GABRB1: variants seen among roughly 807,000 people sequenced by gnomAD.
GABRB1 encodes the protein gamma-aminobutyric acid type A receptor subunit beta1, also known as gamma-aminobutyric acid receptor subunit beta-1.
A neutral mutation model predicts 51.6 loss-of-function variants in GABRB1; 17 were observed. That is an observed-to-expected ratio of 0.33 (90% CI 0.23 to 0.49). The LOEUF is 0.49. GABRB1 is among the 20% of genes least tolerant of loss of function. The pLI, the probability that GABRB1 is intolerant of heterozygous loss-of-function variation, is 0.99. For missense variants in GABRB1, 410 were observed against 600.6 expected, an observed-to-expected ratio of 0.68 and a Z score of 3.32; for synonymous variants, 247 against 218.9, an observed-to-expected ratio of 1.13 and a Z score of -1.14.
intron 4 of GABRB1, among the ~76,000 whole-genome samples, chr4:47,188,854 C>T (rs1437820790): frequency 6.6e-6 from 1 of 151,916 alleles, no homozygotes; most frequent in Admixed American, 6.6e-5. Flanking sequence ...TTGGTTTGGG[C>T]ATTACAATAA....
At chr4:47,376,422 G>C (rs1049573196) in intron 5 of GABRB1, among the ~76,000 whole-genome samples, 1 of 152,132 alleles carries the variant, frequency 6.6e-6, no homozygotes, top group South Asian at 2.1e-4. Flanking sequence ...CGAGACGGGC[G>C]GATCACGAGA....
intron 4 of GABRB1, among the ~76,000 whole-genome samples, chr4:47,278,099 A>C (rs192711415): frequency 2.0e-5 from 3 of 152,274 alleles, no homozygotes; most frequent in African/African-American, 7.2e-5. Flanking sequence ...TTATGGGCTA[A>C]GAGTGCACAC....
upstream of GABRB1, chr4:47,031,564 TC>T (rs1238373378): frequency 1.9e-6 from 2 of 1,078,656 alleles, no homozygotes; most frequent in African/African-American, 3.1e-5. Context: ...CATGCGCAGG[TC>T]CATTCGGGAA....
chr4:47,152,915 G>A (rs1275264013), intron 3 of GABRB1, among the ~76,000 whole-genome samples: 2 of 151,828 alleles, frequency 1.3e-5, no homozygotes, highest in Non-Finnish European at 2.9e-5. Flanking sequence ...TATTCTCTAG[G>A]CTAATGCAAG....
chr4:47,076,744 C>T (rs768994276), intron 3 of GABRB1, among the ~76,000 whole-genome samples: 1 of 152,184 alleles, frequency 6.6e-6, no homozygotes, highest in Non-Finnish European at 1.5e-5. Context: ...GTAGGACAGA[C>T]TAAATCTCTT....
chr4:47,331,668 G>A (rs1725488515), intron 5 of GABRB1, among the ~76,000 whole-genome samples: 1 of 152,022 alleles, frequency 6.6e-6, no homozygotes, highest in South Asian at 2.1e-4. Context: ...ATTTTATACA[G>A]GAACTTTGAT....
At chr4:47,032,090 A>AGGCATGTCATTTTCGT in intron 2 of GABRB1, 85 bp downstream of exon 2, 1 of 910,392 alleles carries the variant, frequency 1.1e-6, no homozygotes. Flanking sequence ...AAAAAAAGAA[A>AGGCATGTCATTTTCGT]AGGCATGTCA....
chr4:47,233,550 T>A (rs1165271939), intron 4 of GABRB1, among the ~76,000 whole-genome samples: 3 of 152,174 alleles, frequency 2.0e-5, no homozygotes, highest in Non-Finnish European at 4.4e-5. Context: ...CTCAATAAAG[T>A]ATTTTGTTAT....
At chr4:47,185,741 T>C (rs951714264) in intron 4 of GABRB1, among the ~76,000 whole-genome samples, 4 of 152,006 alleles carry the variant, frequency 2.6e-5, no homozygotes, top group East Asian at 1.9e-4. Flanking sequence ...ATATTATATG[T>C]AATTGTATGT....
chr4:47,071,755 C>T (rs532463198), intron 3 of GABRB1, among the ~76,000 whole-genome samples: 48 of 151,562 alleles, frequency 3.2e-4, no homozygotes, highest in African/African-American at 1.1e-3. Flanking sequence ...AGAACAGCAC[C>T]GTGCATATGA....
At chr4:47,213,802 G>T (rs1429712860) in intron 4 of GABRB1, among the ~76,000 whole-genome samples, 1 of 148,700 alleles carries the variant, frequency 6.7e-6, no homozygotes, top group Admixed American at 6.7e-5. Context: ...GTAGTGATTT[G>T]TGTGGTTTAA....
intron 3 of GABRB1, among the ~76,000 whole-genome samples, chr4:47,114,528 T>C (rs1423774069): frequency 1.3e-5 from 2 of 152,214 alleles, no homozygotes; most frequent in Non-Finnish European, 2.9e-5. Context: ...TCCAATAATG[T>C]ACTTTTGCAT....
rs1273218780 is a variant in GABRB1 at position 47,032,402 on chromosome 4, C to T, written c.173-15C>T. On this transcript the variant is annotated splice_polypyrimidine_tract_variant and intron_variant, in intron 2 of 8. Coordinates refer to ENST00000295454, the MANE Select transcript of GABRB1 (RefSeq NM_000812.4). The stretch of plus-strand genomic sequence containing the variant: ...TGAGAGAATCTGTTCCTAATGTGGC[C>T]CACCTCCCCGGCAGGGCCCCCCGTC... 2 of 1,573,248 alleles carry T rather than the reference C, an allele frequency of 1.3e-6. No individual in the cohort carries two copies. Among genetic ancestry groups the T allele is most frequent in the African/African-American group, 1.3e-5 (1 of 74,286 alleles).
At chr4:47,378,098 C>T (rs928991387) in intron 5 of GABRB1, among the ~76,000 whole-genome samples, 2 of 152,146 alleles carry the variant, frequency 1.3e-5, no homozygotes, top group Admixed American at 6.5e-5. Context: ...CAGGGGGTGG[C>T]GCTTGTCAGG....
chr4:47,291,084 G>A (rs1450838936), intron 4 of GABRB1, among the ~76,000 whole-genome samples: 5 of 152,176 alleles, frequency 3.3e-5, no homozygotes, highest in Non-Finnish European at 7.3e-5. Flanking sequence ...AGGGCTAGGA[G>A]GCCTAGGAGA....
At chr4:47,149,235 G>A (rs772776458) in intron 3 of GABRB1, among the ~76,000 whole-genome samples, 1 of 151,986 alleles carries the variant, frequency 6.6e-6, no homozygotes, top group African/African-American at 2.4e-5. Context: ...TAAGTATTTA[G>A]GGGTCCAAAA....
At chr4:47,246,364 ATATATATATATATATATATATAT>A (rs1721756607) in intron 4 of GABRB1, among the ~76,000 whole-genome samples, 4 of 38,546 alleles carry the variant, frequency 1.0e-4, no homozygotes, top group Non-Finnish European at 1.9e-4. Context: ...ATATATATAT[ATATATATATATATATATATATAT>A]ATATATATAA....
intron 5 of GABRB1, among the ~76,000 whole-genome samples, chr4:47,378,932 A>G (rs886716917): frequency 9.9e-5 from 15 of 152,192 alleles, no homozygotes; most frequent in Non-Finnish European, 2.2e-4. Flanking sequence ...TTTCTGATTC[A>G]ACGTCTTTTT....
chr4:47,283,388 TTTTTTTTTTTTTTTTGA>T (rs1723371365), intron 4 of GABRB1, among the ~76,000 whole-genome samples: 1 of 100,620 alleles, frequency 9.9e-6, no homozygotes, highest in African/African-American at 4.3e-5. Context: ...TTTTTTTTTT[TTTTTTTTTTTTTTTTGA>T]GACAGAGTCT....
Sources: allele counts gnomAD v4.1 joint callset (sites outside exome capture counted in the v4.1 genomes callset), GRCh38; gene constraint gnomAD v4.1.1; transcripts MANE v1.5; gene names NCBI Gene and HGNC (gene_info 2026-07-23, HGNC 2026-07-21).